Variants in XPR1 observed in about 807,000 individuals in gnomAD.
XPR1 encodes the protein solute carrier family 53 member 1.
Under a neutral mutation model 87.5 loss-of-function variants are expected in XPR1, and 28 were observed. The ratio of observed to expected loss-of-function variants is 0.32; its 90% CI spans 0.24 to 0.44. The LOEUF is 0.44. XPR1 is among the 20% of genes least tolerant of loss of function. The probability of loss-of-function intolerance (pLI) is 1.00; values close to 1 mark genes in which losing one functional copy is unlikely to be tolerated. For missense variants in XPR1, 559 were observed against 862.3 expected, an observed-to-expected ratio of 0.65 and a Z score of 4.41; for synonymous variants, 300 against 306.1, an observed-to-expected ratio of 0.98 and a Z score of 0.21.
intron 2 of XPR1, among the ~76,000 whole-genome samples, chr1:180,749,986 T>C (rs1172410686): frequency 6.6e-6 from 1 of 152,194 alleles, no homozygotes; most frequent in Non-Finnish European, 1.5e-5. Flanking sequence ...AAAATACCAA[T>C]ACTTCATTAT....
intron 12 of XPR1, among the ~76,000 whole-genome samples, chr1:180,873,203 G>T (rs1271415784): frequency 1.3e-5 from 2 of 152,022 alleles, no homozygotes; most frequent in Non-Finnish European, 2.9e-5. Context: ...GCTAAAACTG[G>T]ACTGGACTCC....
At chr1:180,848,779 C>T (rs1022990554) in intron 11 of XPR1, among the ~76,000 whole-genome samples, 3 of 152,080 alleles carry the variant, frequency 2.0e-5, no homozygotes, top group Non-Finnish European at 4.4e-5. Flanking sequence ...TTTACATTCC[C>T]ACCAACATTA....
intron 1 of XPR1, among the ~76,000 whole-genome samples, chr1:180,634,605 T>C (rs993811899): frequency 2.0e-5 from 3 of 152,154 alleles, no homozygotes; most frequent in Admixed American, 2.0e-4. Context: ...AAGATGATGC[T>C]CTTAAAATGC....
At chr1:180,701,365 GCT>G (rs1167988957) in intron 2 of XPR1, among the ~76,000 whole-genome samples, 2 of 93,640 alleles carry the variant, frequency 2.1e-5, no homozygotes, top group Non-Finnish European at 4.0e-5. Flanking sequence ...GTCATAGATA[GCT>G]CTTATTATTT....
intron 1 of XPR1, among the ~76,000 whole-genome samples, chr1:180,656,796 A>G (rs1217676045): frequency 3.4e-5 from 5 of 148,514 alleles, no homozygotes; most frequent in South Asian, 2.1e-4. Context: ...TGCTGCAACA[A>G]ATGTGGGAGT....
chr1:180,710,015 C>T (rs1266136488), intron 2 of XPR1, among the ~76,000 whole-genome samples: 2 of 151,772 alleles, frequency 1.3e-5, no homozygotes, highest in East Asian at 3.9e-4. Context: ...AAGCAATTCT[C>T]CTGCCTCAGC....
chr1:180,743,880 T>C (rs1048051762), intron 2 of XPR1, among the ~76,000 whole-genome samples: 4 of 152,216 alleles, frequency 2.6e-5, no homozygotes, highest in African/African-American at 7.2e-5. Flanking sequence ...GTTGTTTTTC[T>C]CTGGCTACTT....
intron 1 of XPR1, among the ~76,000 whole-genome samples, chr1:180,656,903 A>T (rs1655551755): frequency 6.6e-6 from 1 of 151,548 alleles, no homozygotes; most frequent in South Asian, 2.1e-4. Flanking sequence ...TTAGTTTTTG[A>T]GGAAGCTCCA....
At chr1:180,836,813 CT>C (rs1172933189) in intron 11 of XPR1, 97 bp downstream of exon 11, 12 of 1,393,628 alleles carry the variant, frequency 8.6e-6, no homozygotes, top group African/African-American at 7.2e-5. Context: ...TTGTCATGCT[CT>C]TTTTTTTCCA....
At chr1:180,835,842 A>G (rs969665388) in intron 10 of XPR1, among the ~76,000 whole-genome samples, 5 of 152,196 alleles carry the variant, frequency 3.3e-5, no homozygotes, top group Non-Finnish European at 7.4e-5. Flanking sequence ...GTCTAGAATC[A>G]CTGGTGATAC....
chr1:180,813,166 G>A (rs2102133880), intron 7 of XPR1, among the ~76,000 whole-genome samples: 1 of 150,438 alleles, frequency 6.6e-6, no homozygotes, highest in South Asian at 2.1e-4. Context: ...CACCTCTGTG[G>A]GCCTTTCCGA....
chr1:180,751,541 C>T (rs1647535397), intron 2 of XPR1, among the ~76,000 whole-genome samples: 1 of 152,010 alleles, frequency 6.6e-6, no homozygotes, highest in African/African-American at 2.4e-5. Context: ...TGTTTAAAAA[C>T]TTAAGGCAAA....
chr1:180,741,140 C>G (rs904115017), intron 2 of XPR1, among the ~76,000 whole-genome samples: 2 of 152,140 alleles, frequency 1.3e-5, no homozygotes, highest in Non-Finnish European at 2.9e-5. Context: ...GGTTGATCCC[C>G]TCCTTGAAGT....
intron 10 of XPR1, among the ~76,000 whole-genome samples, chr1:180,835,337 G>A (rs1264827204): frequency 6.6e-6 from 1 of 152,134 alleles, no homozygotes; most frequent in Non-Finnish European, 1.5e-5. Flanking sequence ...GTGCTTTCAT[G>A]CCAGCAATTT....
intron 7 of XPR1, among the ~76,000 whole-genome samples, chr1:180,820,625 G>A (rs1222595053): frequency 1.3e-5 from 2 of 152,106 alleles, no homozygotes; most frequent in East Asian, 3.9e-4. Flanking sequence ...TTAATTTTCT[G>A]AGGAGCCACC....
At chr1:180,701,502 T>C (rs1212015366) in intron 2 of XPR1, among the ~76,000 whole-genome samples, 1 of 139,466 alleles carries the variant, frequency 7.2e-6, no homozygotes, top group Non-Finnish European at 1.5e-5. Flanking sequence ...TGGCTCTGTT[T>C]ATATGCTGGA....
At chr1:180,742,546 A>G (rs1442888984) in intron 2 of XPR1, among the ~76,000 whole-genome samples, 2 of 152,082 alleles carry the variant, frequency 1.3e-5, no homozygotes, top group African/African-American at 4.8e-5. Flanking sequence ...GACCCAGGAT[A>G]TAGTCTGTCT....
intron 3 of XPR1, among the ~76,000 whole-genome samples, chr1:180,790,743 G>C (rs999942763): frequency 2.6e-5 from 4 of 151,900 alleles, no homozygotes; most frequent in Admixed American, 2.6e-4. Context: ...GGGTTTCACC[G>C]TGTTAACCAG....
chr1:180,831,703 A>G (rs1348764697), intron 9 of XPR1, among the ~76,000 whole-genome samples: 2 of 152,048 alleles, frequency 1.3e-5, no homozygotes, highest in East Asian at 1.9e-4. Context: ...AGCTTCATCC[A>G]TGTCCCTGCA....
Sources: gnomAD v4.1 joint callset for allele counts (sites outside exome capture counted in the v4.1 genomes callset) on GRCh38, gnomAD v4.1.1 for gene constraint, MANE v1.5 for transcripts, NCBI Gene and HGNC (gene_info 2026-07-23, HGNC 2026-07-21) for gene names.